The following CSMD1 variants were observed in gnomAD, a reference collection of about 807,000 sequenced individuals.
CSMD1 encodes CUB and Sushi multiple domains 1.
A neutral mutation model predicts 417.5 loss-of-function variants in CSMD1; 213 were observed. The ratio of observed to expected loss-of-function variants is 0.51; its 90% CI spans 0.46 to 0.57. The LOEUF is 0.57. CSMD1 is among the 20% of genes least tolerant of loss of function. The pLI is 0.00. For synonymous variants in CSMD1, 2,862 were observed against 1,736.8 expected (o/e 1.65, Z -16.11); for missense variants, 6,923 against 4,529.7 (o/e 1.53, Z -15.17).
At chr8:3,635,060 T>C (rs971259208) in intron 7 of CSMD1, among the ~76,000 whole-genome samples, 1 of 150,182 alleles carries the variant, frequency 6.7e-6, no homozygotes, top group African/African-American at 2.4e-5. Context: ...AAAAAAAAAA[T>C]GGGATGCCTA....
chr8:3,850,282 G>C (rs1373338698), intron 5 of CSMD1, among the ~76,000 whole-genome samples: 4 of 152,204 alleles, frequency 2.6e-5, no homozygotes, highest in African/African-American at 9.6e-5. Flanking sequence ...TATGTGCACA[G>C]TGTTCTCTAT....
chr8:3,342,843 T>TTG (rs911504452), intron 23 of CSMD1, among the ~76,000 whole-genome samples: 2 of 143,118 alleles, frequency 1.4e-5, no homozygotes, highest in East Asian at 2.1e-4. Flanking sequence ...TATGTAGTTG[T>TTG]TGTGTGTGTG....
At chr8:3,093,986 T>C (rs1158462692) in intron 47 of CSMD1, among the ~76,000 whole-genome samples, 2 of 152,222 alleles carry the variant, frequency 1.3e-5, no homozygotes, top group African/African-American at 4.8e-5. Flanking sequence ...ATAATGTATA[T>C]TCTGAGATAA....
At chr8:4,380,135 G>C (rs1009591547) in intron 3 of CSMD1, among the ~76,000 whole-genome samples, 6 of 152,304 alleles carry the variant, frequency 3.9e-5, no homozygotes, top group Non-Finnish European at 8.8e-5. Flanking sequence ...ATTCTAAATA[G>C]TTTCTACATA....
At position 4,657,700 on chromosome 8, in the gene CSMD1, T is replaced by C. The variant is rs370690742; in HGVS notation, c.86-20142A>G. On this transcript the variant is annotated intron_variant, in intron 1 of 69. Transcript: ENST00000635120. Reference sequence around the variant, plus strand: ...ATAAAACATTAACAAAAAGAAAATATGACCCACTCACAAAAGAAATGAAAA... The same window carrying C: ...ATAAAACATTAACAAAAAGAAAATACGACCCACTCACAAAAGAAATGAAAA... 4.7e-4 allele frequency among the ~76,000 whole-genome samples: 69 copies of C among 147,892 alleles called. No homozygotes were observed. The South Asian group carries it at 0.014, about 30-fold the overall frequency.
At position 3,018,574 on chromosome 8, in the gene CSMD1, A is replaced by G. The variant is rs1295767277; in HGVS notation, c.7932T>C (p.Ala2644=). The G allele has an allele frequency of 8.7e-6, 14 of 1,613,698 alleles. No individual in the cohort carries two copies. Among genetic ancestry groups the G allele is most frequent in the Non-Finnish European group, 1.2e-5 (14 of 1,179,862 alleles). Residue 2644 remains alanine (A), a synonymous_variant, in exon 52 of 70, where the codon GCT becomes GCC. Coordinates refer to ENST00000635120, the MANE Select transcript of CSMD1 (RefSeq NM_033225.6). ...IGTLTVYGAT[A]IFTCNTGYTL... ...TGTAGCCGGTGTTGCACGTAAATAT[A>G]GCTGTGGCCCCATAAACTGTCAACG...
chr8:2,992,671 C>T (rs956835264), intron 54 of CSMD1, among the ~76,000 whole-genome samples: 24 of 151,870 alleles, frequency 1.6e-4, no homozygotes, highest in African/African-American at 4.8e-4. Flanking sequence ...GTGATCTGCC[C>T]GCCTCAGCCT....
chr8:4,431,337 T>C (rs1245590427), intron 2 of CSMD1, among the ~76,000 whole-genome samples: 1 of 152,194 alleles, frequency 6.6e-6, no homozygotes, highest in East Asian at 1.9e-4. Context: ...AGGGTGAACC[T>C]AACGTCTATA....
chr8:4,414,431 T>C (rs1295678720), intron 3 of CSMD1, among the ~76,000 whole-genome samples: 1 of 152,206 alleles, frequency 6.6e-6, no homozygotes, highest in African/African-American at 2.4e-5. Flanking sequence ...AAATGTTCAA[T>C]GGATTAATAA....
chr8:3,561,385 G>A (rs985943430), intron 10 of CSMD1, among the ~76,000 whole-genome samples: 1 of 152,176 alleles, frequency 6.6e-6, no homozygotes, highest in Non-Finnish European at 1.5e-5. Context: ...ATCAACTTAA[G>A]TGTCCAACAA....
intron 1 of CSMD1, among the ~76,000 whole-genome samples, chr8:4,646,666 T>C (rs966308539): frequency 6.6e-6 from 1 of 152,204 alleles, no homozygotes; most frequent in Non-Finnish European, 1.5e-5. Flanking sequence ...ACAAGGCATA[T>C]TTTAAAATTG....
At chr8:4,309,727 C>T (rs933316723) in intron 3 of CSMD1, among the ~76,000 whole-genome samples, 2 of 152,118 alleles carry the variant, frequency 1.3e-5, no homozygotes, top group Non-Finnish European at 2.9e-5. Flanking sequence ...ACAACACATA[C>T]AAAATAACCT....
At chr8:3,707,458 C>A (rs1801234508) in intron 7 of CSMD1, among the ~76,000 whole-genome samples, 1 of 152,134 alleles carries the variant, frequency 6.6e-6, no homozygotes, top group South Asian at 2.1e-4. Context: ...GCCAGGGAAG[C>A]ATAGAAAACA....
At chr8:3,501,946 G>A (rs904261350) in intron 10 of CSMD1, among the ~76,000 whole-genome samples, 8 of 152,020 alleles carry the variant, frequency 5.3e-5, no homozygotes, top group African/African-American at 1.2e-4. Flanking sequence ...TCCTACAAAA[G>A]AACACATACA....
In CSMD1 at chr8:3,443,362, G is replaced by A. The variant is rs114784669; in HGVS notation, c.1561+25350C>T. ...AGAGAGAGAAAGAGAAAGAGAGCAAGCTACTATAGAATGAGCTCCAGAATT... is the reference window on the plus strand; with the variant it reads ...AGAGAGAGAAAGAGAAAGAGAGCAAACTACTATAGAATGAGCTCCAGAATT... On this transcript the variant is annotated intron_variant, in intron 12 of 69. Transcript: ENST00000635120. Among the ~76,000 whole-genome samples the A allele has an allele frequency of 7.6e-3, 1,150 of 152,206 alleles. 14 individuals are homozygous for A. The highest frequency in any genetic ancestry group is 0.026 in the African/African-American group (1,088 of 41,532).
intron 2 of CSMD1, among the ~76,000 whole-genome samples, chr8:4,464,098 A>G (rs987968169): frequency 6.6e-6 from 1 of 152,184 alleles, no homozygotes; most frequent in South Asian, 2.1e-4. Context: ...CAGTTTTCTA[A>G]AAGAATGAGA....
In CSMD1 at chr8:4,420,025, C is replaced by A. The variant is rs868860397; in HGVS notation, c.343G>T (p.Gly115Ter). Residue 115 changes from glycine (G) to a stop codon, truncating the protein, a stop_gained, in exon 3 of 70, where the codon GGA becomes TGA. Transcript: ENST00000635120. LOFTEE classifies it high-confidence loss of function. The part of the protein sequence containing the change: ...FQLPSSIVST[G>*]SILTLWFTTD... Reference sequence around the variant, plus strand: ...GTGAACCACAGAGTGAGGATAGATCCTGTACTCACTATAGAGGAGGGCAGC... The same window carrying A: ...GTGAACCACAGAGTGAGGATAGATCATGTACTCACTATAGAGGAGGGCAGC... 1 of 1,582,262 alleles carries A rather than the reference C, an allele frequency of 6.3e-7. No individual in the cohort carries two copies. Among genetic ancestry groups the A allele is most frequent in the East Asian group, 2.3e-5 (1 of 43,534 alleles).
At position 3,396,429 on chromosome 8, in the gene CSMD1, T is replaced by G. The variant is rs750964021; in HGVS notation, c.2406-48A>C. Reference sequence around the variant, plus strand: ...AGAAAAGACATGCAGAACTGCCAGCTTACAGACGTGCTCCTGACATCCTCA... The same window carrying G: ...AGAAAAGACATGCAGAACTGCCAGCGTACAGACGTGCTCCTGACATCCTCA... On this transcript the variant is annotated intron_variant, in intron 16 of 69. Transcript: ENST00000635120. The G allele has an allele frequency of 6.7e-6, 9 of 1,346,498 alleles. No homozygotes were observed. In the South Asian group the frequency reaches 9.0e-5, roughly 13 times the overall value. 83.4% of individuals were successfully genotyped at this position (1,346,498 alleles called of 1,614,324 possible). A position where few individuals can be genotyped will look rare whatever the true frequency, so the allele number is the denominator to read the frequency against.
At chr8:3,172,036 A>T (rs760408987) in intron 37 of CSMD1, among the ~76,000 whole-genome samples, 3 of 152,196 alleles carry the variant, frequency 2.0e-5, no homozygotes, top group Non-Finnish European at 2.9e-5. Flanking sequence ...AAACTAAAGG[A>T]TCTACAAAAT....
Sources: allele counts gnomAD v4.1 joint callset (sites outside exome capture counted in the v4.1 genomes callset), GRCh38; gene constraint gnomAD v4.1.1; transcripts MANE v1.5; gene names NCBI Gene and HGNC (gene_info 2026-07-23, HGNC 2026-07-21).